ABCA13: variants seen among roughly 807,000 people sequenced by gnomAD.
The protein encoded by ABCA13 is ATP binding cassette subfamily A member 13, also known as ATP-binding cassette sub-family A member 13.
A neutral mutation model predicts 478.7 loss-of-function variants in ABCA13; 476 were observed. The ratio of observed to expected loss-of-function variants is 0.99; its 90% CI spans 0.92 to 1.07. The LOEUF is 1.07. Among genes scored for constraint, ABCA13 ranks in the 50% least tolerant of loss-of-function variants. The probability of loss-of-function intolerance (pLI) is 0.00; values close to 1 mark genes in which losing one functional copy is unlikely to be tolerated. For synonymous variants in ABCA13, 2,252 were observed against 2,158.9 expected (o/e 1.04, Z -1.20); for missense variants, 6,060 against 5,910.6 (o/e 1.03, Z -0.83).
chr7:48,554,873 G>A (rs922345302), intron 55 of ABCA13, among the ~76,000 whole-genome samples: 2 of 150,618 alleles, frequency 1.3e-5, no homozygotes, highest in African/African-American at 4.9e-5. Flanking sequence ...AGAAGTTCCA[G>A]TACTATGTTA....
intron 42 of ABCA13, among the ~76,000 whole-genome samples, chr7:48,449,353 T>C (rs906705186): frequency 5.3e-5 from 8 of 152,202 alleles, no homozygotes; most frequent in African/African-American, 1.9e-4. Context: ...AAAAATAAGA[T>C]GTTTGATTTT....
chr7:48,199,452 C>T (rs1798364534), intron 3 of ABCA13, among the ~76,000 whole-genome samples: 1 of 152,142 alleles, frequency 6.6e-6, no homozygotes, highest in South Asian at 2.1e-4. Flanking sequence ...TGAGGCATCT[C>T]TCCAGGGTCT....
chr7:48,330,347 A>T (rs1037285192), intron 27 of ABCA13, among the ~76,000 whole-genome samples: 1 of 151,644 alleles, frequency 6.6e-6, no homozygotes, highest in Non-Finnish European at 1.5e-5. Context: ...TCATCCACAC[A>T]TCCATCCATC....
At chr7:48,396,576 A>G (rs548137815) in intron 38 of ABCA13, among the ~76,000 whole-genome samples, 39 of 152,306 alleles carry the variant, frequency 2.6e-4, no homozygotes, top group Non-Finnish European at 4.9e-4. Context: ...GCATGTGGGC[A>G]TGGTCTCTGC....
At chr7:48,485,910 C>T (rs1186508580) in intron 47 of ABCA13, among the ~76,000 whole-genome samples, 1 of 152,166 alleles carries the variant, frequency 6.6e-6, no homozygotes, top group African/African-American at 2.4e-5. Context: ...GCTTCCCCTT[C>T]CATTGCCCTC....
intron 57 of ABCA13, among the ~76,000 whole-genome samples, chr7:48,589,625 G>A (rs534555138): frequency 1.4e-4 from 21 of 152,156 alleles, no homozygotes; most frequent in African/African-American, 4.8e-4. Flanking sequence ...ATACAGCATC[G>A]TTATCTACAG....
chr7:48,534,641 AT>A, intron 55 of ABCA13, among the ~76,000 whole-genome samples: 1 of 152,278 alleles, frequency 6.6e-6, no homozygotes, highest in South Asian at 2.1e-4. Context: ...AGGAAAACCA[AT>A]TAGTCTTAGG....
chr7:48,300,381 T>C (rs1218468904), intron 23 of ABCA13, among the ~76,000 whole-genome samples: 2 of 152,246 alleles, frequency 1.3e-5, no homozygotes, highest in Non-Finnish European at 2.9e-5. Context: ...TCAAAGCCCG[T>C]GCTCCAAGGG....
intron 59 of ABCA13, among the ~76,000 whole-genome samples, chr7:48,616,919 A>G (rs1183289020): frequency 3.3e-5 from 5 of 152,168 alleles, no homozygotes; most frequent in Admixed American, 6.6e-5. Context: ...GTGCATCTGT[A>G]GTGCTAGCTA....
chr7:48,356,706 C>T (rs1184968200), intron 31 of ABCA13, among the ~76,000 whole-genome samples: 1 of 151,910 alleles, frequency 6.6e-6, no homozygotes, highest in Non-Finnish European at 1.5e-5. Flanking sequence ...GAAAATGTTG[C>T]TGGAGACTGT....
intron 55 of ABCA13, among the ~76,000 whole-genome samples, chr7:48,538,423 T>A (rs763904505): frequency 6.6e-6 from 1 of 152,110 alleles, no homozygotes. Context: ...TCCTTCAATA[T>A]TTTTACAAAA....
intron 26 of ABCA13, among the ~76,000 whole-genome samples, chr7:48,315,453 T>C (rs1802434363): frequency 6.6e-6 from 1 of 152,232 alleles, no homozygotes; most frequent in Non-Finnish European, 1.5e-5. Flanking sequence ...CTATAATTAA[T>C]GGCTTAAAAA....
intron 37 of ABCA13, among the ~76,000 whole-genome samples, chr7:48,390,554 G>A (rs75581488): frequency 0.011 from 1,653 of 152,254 alleles, 32 homozygotes; most frequent in African/African-American, 0.038. Context: ...GGTTAGTGCC[G>A]GAACAAGCAC....
intron 32 of ABCA13, among the ~76,000 whole-genome samples, chr7:48,368,157 C>T (rs554095188): frequency 3.3e-4 from 50 of 152,276 alleles, no homozygotes; most frequent in African/African-American, 1.2e-3. Context: ...ATTGCAAGAA[C>T]AAAGCCAGTG....
At chr7:48,565,728 G>A (rs947540540) in intron 55 of ABCA13, among the ~76,000 whole-genome samples, 3 of 152,112 alleles carry the variant, frequency 2.0e-5, no homozygotes, top group Non-Finnish European at 4.4e-5. Context: ...TGAGAGCATC[G>A]TAATCTTTCT....
intron 29 of ABCA13, among the ~76,000 whole-genome samples, chr7:48,349,156 CAG>C (rs1808553291): frequency 6.6e-6 from 1 of 152,242 alleles, no homozygotes; most frequent in Non-Finnish European, 1.5e-5. Context: ...GACACTCATA[CAG>C]TGACACTTCA....
intron 55 of ABCA13, among the ~76,000 whole-genome samples, chr7:48,535,370 G>A (rs1259887864): frequency 2.0e-5 from 3 of 152,192 alleles, no homozygotes; most frequent in Non-Finnish European, 4.4e-5. Context: ...CCATCTTCAG[G>A]TCTTTCAGCC....
chr7:48,305,940 T>C (rs1166613603), intron 23 of ABCA13, among the ~76,000 whole-genome samples: 1 of 152,190 alleles, frequency 6.6e-6, no homozygotes, highest in African/African-American at 2.4e-5. Context: ...CATTAGCCTA[T>C]GCAAAGCCCG....
intron 13 of ABCA13, among the ~76,000 whole-genome samples, chr7:48,247,560 A>G (rs1791888798): frequency 1.3e-5 from 2 of 152,136 alleles, no homozygotes; most frequent in South Asian, 4.1e-4. Flanking sequence ...TGGGTTGACC[A>G]GTCTCCGTGG....
Sources: gnomAD v4.1 joint callset for allele counts (sites outside exome capture counted in the v4.1 genomes callset) on GRCh38, gnomAD v4.1.1 for gene constraint, MANE v1.5 for transcripts, NCBI Gene and HGNC (gene_info 2026-07-23, HGNC 2026-07-21) for gene names.